The following HPSE2 variants were observed in gnomAD, a reference collection of about 807,000 sequenced individuals.
HPSE2 encodes heparanase 2 (inactive).
A neutral mutation model predicts 60.5 loss-of-function variants in HPSE2; 38 were observed. The observed-to-expected ratio is 0.63, with a 90% CI of 0.48 to 0.82. The LOEUF is 0.82. Ranked by LOEUF, HPSE2 falls within the 40% of genes least tolerant of loss-of-function variation. The pLI, the probability that HPSE2 is intolerant of heterozygous loss-of-function variation, is 0.00. For missense variants in HPSE2, 713 were observed against 740.4 expected, an observed-to-expected ratio of 0.96 and a Z score of 0.43; for synonymous variants, 295 against 293.2, an observed-to-expected ratio of 1.01 and a Z score of -0.06.
At chr10:98,719,370 A>T (rs1948865051) in intron 5 of HPSE2, among the ~76,000 whole-genome samples, 1 of 152,144 alleles carries the variant, frequency 6.6e-6, no homozygotes, top group South Asian at 2.1e-4. Flanking sequence ...GCAGAAAAAT[A>T]CAGTGCCATG....
chr10:98,927,063 G>GA (rs1564662225), intron 3 of HPSE2, among the ~76,000 whole-genome samples: 1 of 151,840 alleles, frequency 6.6e-6, no homozygotes, highest in Non-Finnish European at 1.5e-5. Context: ...GCGTGGTGCT[G>GA]AAAAAAATGT....
chr10:98,649,877 G>T (rs1025521328), intron 6 of HPSE2, among the ~76,000 whole-genome samples: 1 of 152,182 alleles, frequency 6.6e-6, no homozygotes, highest in Non-Finnish European at 1.5e-5. Flanking sequence ...TTCAGGCTGC[G>T]ATTCTTGAGA....
At chr10:98,743,323 C>T (rs910129504) in intron 4 of HPSE2, among the ~76,000 whole-genome samples, 1 of 152,102 alleles carries the variant, frequency 6.6e-6, no homozygotes, top group Non-Finnish European at 1.5e-5. Context: ...AGGCTGCACA[C>T]CCTTGAAACT....
At chr10:98,759,742 G>T (rs1029904083) in intron 3 of HPSE2, among the ~76,000 whole-genome samples, 2 of 152,026 alleles carry the variant, frequency 1.3e-5, no homozygotes, top group African/African-American at 4.8e-5. Flanking sequence ...CTCCAACTTT[G>T]TTCTTCTTGC....
At chr10:99,147,188 G>A (rs1464995827) in intron 2 of HPSE2, among the ~76,000 whole-genome samples, 1 of 152,074 alleles carries the variant, frequency 6.6e-6, no homozygotes, top group East Asian at 1.9e-4. Context: ...TCAAATCCAG[G>A]GATGTTCAAA....
intron 3 of HPSE2, among the ~76,000 whole-genome samples, chr10:98,913,110 T>A (rs1206500867): frequency 6.6e-6 from 1 of 152,166 alleles, no homozygotes; most frequent in Non-Finnish European, 1.5e-5. Context: ...TACATAACTT[T>A]AAAAAATTCT....
chr10:98,977,132 C>T (rs1031605644), intron 3 of HPSE2, among the ~76,000 whole-genome samples: 1 of 152,138 alleles, frequency 6.6e-6, no homozygotes, highest in Non-Finnish European at 1.5e-5. Context: ...TTTATATCAC[C>T]ATGTTTGTGG....
chr10:99,252,856 G>A, the HPSE2 span, among the ~76,000 whole-genome samples: 178 of 142,238 alleles, frequency 1.3e-3, 2 homozygotes, highest in Non-Finnish European at 3.5e-4. Context: ...CAGCCTGGGC[G>A]ACAGAGCGAG....
Position 98,713,110 on chromosome 10 carries a change from G to C in HPSE2, c.956+8547C>G, listed in dbSNP as rs192042477. Among the ~76,000 whole-genome samples the C allele has an allele frequency of 4.2e-4, 64 of 152,064 alleles. 1 individual carries two copies. In the East Asian group the frequency reaches 0.012, roughly 28 times the overall value. ...GTGGGGAGGAGACTGCTCTAGCATG[G>C]TACTAGCTTAGCACATAACCAGGCC... On this transcript the variant is annotated intron_variant, in intron 5 of 11. Coordinates refer to ENST00000370552, the MANE Select transcript of HPSE2 (RefSeq NM_021828.5).
the HPSE2 span, among the ~76,000 whole-genome samples, chr10:99,280,835 C>T: frequency 5.9e-5 from 9 of 152,088 alleles, no homozygotes; most frequent in African/African-American, 2.2e-4. Context: ...CACTTAAATC[C>T]CTGAGGTTCA....
chr10:98,907,717 A>T (rs1212354325), intron 3 of HPSE2, among the ~76,000 whole-genome samples: 1 of 152,178 alleles, frequency 6.6e-6, no homozygotes, highest in Non-Finnish European at 1.5e-5. Flanking sequence ...TGGATTAATT[A>T]TCTGAACCTC....
At chr10:98,770,818 CA>C (rs1027088495) in intron 3 of HPSE2, among the ~76,000 whole-genome samples, 2 of 152,010 alleles carry the variant, frequency 1.3e-5, no homozygotes, top group African/African-American at 4.8e-5. Flanking sequence ...AGCAAAAAAG[CA>C]GGGAATACGA....
chr10:99,116,589 C>CAT (rs1004618442), intron 3 of HPSE2, among the ~76,000 whole-genome samples: 8 of 152,012 alleles, frequency 5.3e-5, no homozygotes, highest in Non-Finnish European at 7.4e-5. Context: ...CCCTGACTGC[C>CAT]ATATATAAGT....
At chr10:99,178,923 G>C (rs998429943) in intron 2 of HPSE2, among the ~76,000 whole-genome samples, 1 of 152,122 alleles carries the variant, frequency 6.6e-6, no homozygotes, top group African/African-American at 2.4e-5. Flanking sequence ...TATCCACCAC[G>C]ATCAAGTTGG....
intron 5 of HPSE2, among the ~76,000 whole-genome samples, chr10:98,715,554 G>T (rs1209703279): frequency 4.0e-4 from 61 of 151,776 alleles, no homozygotes; most frequent in Admixed American, 4.0e-3. Context: ...CAGAGGTATT[G>T]CAGGTTCAGT....
intron 6 of HPSE2, among the ~76,000 whole-genome samples, chr10:98,666,888 T>C (rs1947377578): frequency 1.3e-5 from 2 of 151,752 alleles, no homozygotes; most frequent in Admixed American, 1.3e-4. Context: ...CAAAAAATAA[T>C]TATTTCTAGA....
chr10:98,922,729 C>T (rs1954318870), intron 3 of HPSE2, among the ~76,000 whole-genome samples: 1 of 152,004 alleles, frequency 6.6e-6, no homozygotes, highest in Non-Finnish European at 1.5e-5. Flanking sequence ...ACAGTAGGGG[C>T]CTTGCTGGCA....
At chr10:98,914,683 TTA>T (rs1033868910) in intron 3 of HPSE2, among the ~76,000 whole-genome samples, 31 of 150,210 alleles carry the variant, frequency 2.1e-4, no homozygotes, top group Non-Finnish European at 3.8e-4. Flanking sequence ...TGTACAATTC[TTA>T]TATGTCAATT....
At chr10:99,078,071 C>T (rs565390499) in intron 3 of HPSE2, among the ~76,000 whole-genome samples, 7 of 152,248 alleles carry the variant, frequency 4.6e-5, no homozygotes, top group Non-Finnish European at 1.5e-5. Flanking sequence ...CTATCACCTT[C>T]CACCATGAAT....
Sources: allele counts gnomAD v4.1 joint callset (sites outside exome capture counted in the v4.1 genomes callset), GRCh38; gene constraint gnomAD v4.1.1; transcripts MANE v1.5; gene names NCBI Gene and HGNC (gene_info 2026-07-23, HGNC 2026-07-21).